Variants in PDE10A observed in about 807,000 individuals in gnomAD.
The protein encoded by PDE10A is cAMP and cAMP-inhibited cGMP 3',5'-cyclic phosphodiesterase 10A.
PDE10A carries 39 observed loss-of-function variants against 97.7 expected under a neutral mutation model. That is an observed-to-expected ratio of 0.40 (90% CI 0.31 to 0.52). The LOEUF (loss-of-function observed/expected upper bound fraction) is 0.52. Ranked by LOEUF, PDE10A falls within the 20% of genes least tolerant of loss-of-function variation. The probability of loss-of-function intolerance (pLI) is 0.56; values close to 1 mark genes in which losing one functional copy is unlikely to be tolerated. For missense variants in PDE10A, 731 were observed against 1,047.8 expected, an observed-to-expected ratio of 0.70 and a Z score of 4.17; for synonymous variants, 371 against 376.8, an observed-to-expected ratio of 0.98 and a Z score of 0.18.
intron 1 of PDE10A, among the ~76,000 whole-genome samples, chr6:165,833,037 G>A (rs964728895): frequency 5.9e-5 from 9 of 152,186 alleles, no homozygotes; most frequent in African/African-American, 1.4e-4. Context: ...ATCAAGAATC[G>A]TAACCGATTC....
intron 1 of PDE10A, among the ~76,000 whole-genome samples, chr6:165,595,780 T>A (rs933407685): frequency 2.0e-5 from 3 of 152,200 alleles, no homozygotes; most frequent in African/African-American, 4.8e-5. Context: ...CCCTCCTATG[T>A]GTCTGCACAT....
chr6:165,529,550 T>C (rs1470236297), intron 2 of PDE10A, among the ~76,000 whole-genome samples: 1 of 152,216 alleles, frequency 6.6e-6, no homozygotes, highest in African/African-American at 2.4e-5. Flanking sequence ...TACGACCACA[T>C]GACCAGTGGC....
intron 6 of PDE10A, among the ~76,000 whole-genome samples, chr6:165,433,919 AGGCAGGAGAATGGCGT>A (rs111452622): frequency 1.2e-4 from 17 of 147,082 alleles, no homozygotes; most frequent in African/African-American, 4.3e-4. Context: ...CGGGAGCCTG[AGGCAGGAGAATGGCGT>A]GAACCCGGGA....
chr6:165,688,691 A>G (rs531159276), intron 1 of PDE10A, among the ~76,000 whole-genome samples: 7 of 152,376 alleles, frequency 4.6e-5, no homozygotes, highest in African/African-American at 1.7e-4. Context: ...AACAGTGACT[A>G]TGTTATGCTA....
At chr6:165,883,087 T>G (rs1292578495) in intron 1 of PDE10A, among the ~76,000 whole-genome samples, 1 of 151,800 alleles carries the variant, frequency 6.6e-6, no homozygotes, top group Non-Finnish European at 1.5e-5. Context: ...AATACAAAAA[T>G]TAGTCGGGTG....
intron 1 of PDE10A, among the ~76,000 whole-genome samples, chr6:165,837,539 G>A (rs1780095822): frequency 6.6e-6 from 1 of 151,936 alleles, no homozygotes; most frequent in South Asian, 2.1e-4. Flanking sequence ...AACATTTGCT[G>A]CCAGAGGTTC....
rs1454302442 is a variant in PDE10A, at chr6:165,823,522, A to T, written c.-615+164007T>A. Among the ~76,000 whole-genome samples the T allele has an allele frequency of 2.1e-3, 201 of 96,132 alleles. No homozygotes were observed. The Middle Eastern group carries it at 0.025, about 12-fold the overall frequency. 63.1% of individuals were successfully genotyped at this position (96,132 alleles called of 152,430 possible). ...TATATATATATATATATATATATAT[A>T]TATGAACCTTAATTATAAATATTAT... On this transcript the variant is annotated intron_variant, in intron 1 of 19. Transcript: ENST00000366882.
chr6:165,794,793 TAAGTG>T (rs1280579930), intron 1 of PDE10A, among the ~76,000 whole-genome samples: 1 of 152,246 alleles, frequency 6.6e-6, no homozygotes, highest in Non-Finnish European at 1.5e-5. Flanking sequence ...AGGCAGGTCT[TAAGTG>T]AAGGGATGAC....
intron 1 of PDE10A, among the ~76,000 whole-genome samples, chr6:165,553,492 A>G (rs935503222): frequency 1.3e-5 from 2 of 152,184 alleles, no homozygotes; most frequent in Non-Finnish European, 2.9e-5. Context: ...ATCACCTAAA[A>G]TCATTTCTTT....
chr6:165,707,613 C>T (rs1479103177), intron 1 of PDE10A, among the ~76,000 whole-genome samples: 1 of 151,526 alleles, frequency 6.6e-6, no homozygotes, highest in Non-Finnish European at 1.5e-5. Context: ...AGTGTGTGTG[C>T]ATGTGTGAGC....
chr6:165,712,532 G>T (rs576773919), intron 1 of PDE10A, among the ~76,000 whole-genome samples: 2 of 152,138 alleles, frequency 1.3e-5, no homozygotes, highest in East Asian at 3.9e-4. Context: ...AAGCGGCCTG[G>T]ATCAGTTTGC....
chr6:165,884,542 C>T (rs1365353071), intron 1 of PDE10A, among the ~76,000 whole-genome samples: 3 of 152,116 alleles, frequency 2.0e-5, no homozygotes, highest in African/African-American at 7.2e-5. Flanking sequence ...ACACCTGTCT[C>T]CCCCCTGAAA....
At position 165,628,874 on chromosome 6, in the gene PDE10A, T is replaced by C. The variant is rs577368561; in HGVS notation, c.865+33073A>G. 2.0e-5 allele frequency among the ~76,000 whole-genome samples: 3 copies of C among 152,334 alleles called. No individual in the cohort carries two copies. In the South Asian group the frequency reaches 6.2e-4, roughly 32 times the overall value. On this transcript the variant is annotated intron_variant, in intron 1 of 21. Coordinates refer to ENST00000539869, the MANE Select transcript of PDE10A (RefSeq NM_001385079.1). ...CATATAAAAAATGAATTATAATGCC[T>C]GAATATTTGAAATGCTGAGGTTTTT...
intron 18 of PDE10A, among the ~76,000 whole-genome samples, chr6:165,358,454 C>G (rs1274913300): frequency 6.7e-6 from 1 of 150,072 alleles, no homozygotes; most frequent in Non-Finnish European, 1.5e-5. Context: ...CTCTTTATAT[C>G]TGGCAATGTT....
intron 1 of PDE10A, among the ~76,000 whole-genome samples, chr6:165,700,668 A>G (rs1791546407): frequency 6.6e-6 from 1 of 152,222 alleles, no homozygotes; most frequent in South Asian, 2.1e-4. Context: ...GGAGAGAGGT[A>G]GTCACATTTG....
intron 1 of PDE10A, among the ~76,000 whole-genome samples, chr6:165,580,941 G>A (rs1226594137): frequency 1.3e-5 from 2 of 152,118 alleles, no homozygotes; most frequent in African/African-American, 4.8e-5. Flanking sequence ...TGAGAAAGAA[G>A]ATGGTAAGTC....
intron 3 of PDE10A, among the ~76,000 whole-genome samples, chr6:165,455,867 A>G (rs1488205817): frequency 6.6e-6 from 1 of 152,142 alleles, no homozygotes. Context: ...CTTCTCAGTT[A>G]TTTTCTAGCT....
At chr6:165,783,988 G>A (rs1366421534) in intron 1 of PDE10A, among the ~76,000 whole-genome samples, 1 of 152,122 alleles carries the variant, frequency 6.6e-6, no homozygotes, top group African/African-American at 2.4e-5. Context: ...GGGAGGCCAA[G>A]GCAGGTGGAT....
At chr6:165,496,910 A>C (rs1780570247) in intron 2 of PDE10A, among the ~76,000 whole-genome samples, 1 of 152,194 alleles carries the variant, frequency 6.6e-6, no homozygotes, top group African/African-American at 2.4e-5. Context: ...TAAGCATCAA[A>C]AGCTAAGCGT....
Sources: gnomAD v4.1 joint callset for allele counts (sites outside exome capture counted in the v4.1 genomes callset) on GRCh38, gnomAD v4.1.1 for gene constraint, MANE v1.5 for transcripts, NCBI Gene and HGNC (gene_info 2026-07-23, HGNC 2026-07-21) for gene names.